Variants in RABL6 observed in about 807,000 individuals in gnomAD.
The protein encoded by RABL6 is RAB, member RAS oncogene family like 6, also known as rab-like protein 6.
RABL6 carries 28 observed loss-of-function variants against 72.9 expected under a neutral mutation model. The ratio of observed to expected loss-of-function variants is 0.38; its 90% CI spans 0.28 to 0.53. The LOEUF is 0.53. Among genes scored for constraint, RABL6 ranks in the 20% least tolerant of loss-of-function variants. The pLI is 0.80. For synonymous variants in RABL6, 477 were observed against 421.2 expected, an observed-to-expected ratio of 1.13 and a Z score of -1.62; for missense variants, 1,029 against 1,008.4, an observed-to-expected ratio of 1.02 and a Z score of -0.28.
Position 136,840,424 on chromosome 9 carries a change from AGCAG to A in RABL6, c.2094_2097del (p.Ser698ArgfsTer71). 1 of 1,549,736 alleles carries A rather than the reference AGCAG, an allele frequency of 6.5e-7. No individual in the cohort carries two copies. The highest frequency in any genetic ancestry group is 8.7e-7 in the Non-Finnish European group (1 of 1,146,808). On this transcript the variant is annotated frameshift_variant, in exon 15 of 15. Coordinates refer to ENST00000311502, the MANE Select transcript of RABL6 (RefSeq NM_024718.5). LOFTEE classifies it low-confidence loss of function (END_TRUNC). ...ACGGCGGCAGCAGCGGCCCCCGCGC[AGCAG>A]GGAGAGGACGGCTGCCGATGAGCTG... is the stretch of plus-strand genomic sequence containing the variant.
At position 136,835,732 on chromosome 9, in the gene RABL6, C is replaced by T. The variant is rs1451771153; in HGVS notation, c.706-10C>T. The T allele has an allele frequency of 3.1e-5, 48 of 1,548,100 alleles. No individual in the cohort carries two copies. The highest frequency in any genetic ancestry group is 4.2e-5 in the Non-Finnish European group (48 of 1,146,360). On this transcript the variant is annotated splice_polypyrimidine_tract_variant and intron_variant, in intron 7 of 14. Transcript: ENST00000311502. ...AGCCCTGCTCAGGCCTGCGTGCTCC[C>T]TTTCTGCAGAGGGAGACGCTGTTGC...
At chr9:136,822,346 T>C (rs548006043) in intron 1 of RABL6, among the ~76,000 whole-genome samples, 13 of 152,202 alleles carry the variant, frequency 8.5e-5, no homozygotes, top group Non-Finnish European at 1.9e-4. Flanking sequence ...CTTCCCTGGC[T>C]TCCCTGGCTC....
At chr9:136,834,121 C>T (rs1356493175) in intron 7 of RABL6, 1 of 1,312,704 alleles carries the variant, frequency 7.6e-7, no homozygotes, top group East Asian at 2.8e-5. Context: ...CAGCGGGACC[C>T]CTGTTTCCTC....
At chr9:136,835,220 A>G (rs1848563691) in intron 7 of RABL6, 1 of 152,272 alleles carries the variant, frequency 6.6e-6, no homozygotes, top group Non-Finnish European at 1.5e-5. Flanking sequence ...TTTGTATTTC[A>G]TTTGAATCTA....
intron 1 of RABL6, among the ~76,000 whole-genome samples, chr9:136,816,480 C>T (rs1338309963): frequency 5.3e-5 from 8 of 150,994 alleles, no homozygotes; most frequent in Admixed American, 1.3e-4. Flanking sequence ...TTTGGGAGGC[C>T]GAGGTTGGTG....
intron 1 of RABL6, chr9:136,809,230 A>G (rs1588342053): frequency 6.3e-6 from 1 of 157,708 alleles, no homozygotes; most frequent in South Asian, 1.7e-4. Context: ...TTTAAGAACT[A>G]ATGATCAGAA....
intron 1 of RABL6, chr9:136,813,023 T>G (rs909709791): frequency 4.6e-5 from 17 of 371,822 alleles, no homozygotes; most frequent in South Asian, 4.0e-4. Context: ...TCCTCCTCAC[T>G]GTTGCCATCT....
Position 136,823,628 on chromosome 9 carries a change from C to T in RABL6, c.234C>T (p.Ile78=), listed in dbSNP as rs773325201. The T allele has an allele frequency of 1.9e-6, 3 of 1,613,014 alleles. No homozygotes were observed. Among genetic ancestry groups the T allele is most frequent in the East Asian group, 4.5e-5 (2 of 44,856 alleles). ...FVEEYIPTQE[I]QVTSIHWSYK... ...AGGAGTACATCCCCACACAGGAGAT[C>T]CAGGTCACCAGCATCCACTGGAGCT... Residue 78 remains isoleucine (I), a synonymous_variant, in exon 2 of 15, where the codon ATC becomes ATT. Transcript: ENST00000311502.
chr9:136,839,951 G>T (rs948136461), intron 13 of RABL6, 86 bp downstream of exon 13: 136 of 1,529,516 alleles, frequency 8.9e-5, no homozygotes, highest in Non-Finnish European at 1.2e-4. Flanking sequence ...GCTGGCCGGG[G>T]TCCTCTCCTG....
At chr9:136,820,695 A>G (rs993060369) in intron 1 of RABL6, among the ~76,000 whole-genome samples, 1 of 152,214 alleles carries the variant, frequency 6.6e-6, no homozygotes, top group African/African-American at 2.4e-5. Flanking sequence ...AAAAGCAAAA[A>G]TAAAATCAAA....
chr9:136,834,147 G>T, intron 7 of RABL6: 2 of 1,287,482 alleles, frequency 1.6e-6, no homozygotes, highest in Non-Finnish European at 2.0e-6. Flanking sequence ...CTTGCCCCTG[G>T]ATTGCCTGGA....
intron 2 of RABL6, among the ~76,000 whole-genome samples, chr9:136,824,245 G>A (rs1277375595): frequency 6.6e-6 from 1 of 151,542 alleles, no homozygotes; most frequent in Non-Finnish European, 1.5e-5. Context: ...CAGCTGCCCT[G>A]TGTGTTCAGA....
intron 8 of RABL6, chr9:136,836,079 T>G (rs1304650954): frequency 2.2e-6 from 1 of 451,920 alleles, no homozygotes; most frequent in East Asian, 3.7e-5. Context: ...CCTGCCACTC[T>G]GAGTACCGCT....
chr9:136,829,650 A>G (rs1442117841), intron 5 of RABL6, among the ~76,000 whole-genome samples, 166 bp downstream of exon 5: 1 of 152,218 alleles, frequency 6.6e-6, no homozygotes, highest in African/African-American at 2.4e-5. Context: ...ACTGGCCTGG[A>G]TGTCGGGCTG....
In RABL6 at chr9:136,840,897, C is replaced by A. The variant is rs138772318; in HGVS notation, c.*375C>A. ...GGCTGTGGGGTGTGCGCTGCCCCGG[C>A]ACCTGCTTGCCCTCCGCGCTCATCT... On this transcript the variant is annotated 3_prime_UTR_variant, in exon 15 of 15. Coordinates refer to ENST00000311502, the MANE Select transcript of RABL6 (RefSeq NM_024718.5). 491 of 1,506,992 alleles carry A rather than the reference C, an allele frequency of 3.3e-4. 5 individuals are homozygous for A. In the East Asian group the frequency reaches 0.012, roughly 37 times the overall value. 93.4% of individuals were successfully genotyped at this position (1,506,992 alleles called of 1,614,324 possible).
chr9:136,839,930 AGCTGCTG>A, intron 13 of RABL6, 65 bp downstream of exon 13: 1 of 1,557,640 alleles, frequency 6.4e-7, no homozygotes, highest in Non-Finnish European at 8.7e-7. Flanking sequence ...GCCTCCTCCC[AGCTGCTG>A]GCCGCTGGCC....
chr9:136,815,536 G>C (rs1848102557), intron 1 of RABL6: 1 of 230,822 alleles, frequency 4.3e-6, no homozygotes, highest in South Asian at 5.5e-5. Flanking sequence ...ACACCAAGTA[G>C]TCTGAAGCTG....
chr9:136,840,399 ACGG>A lies in RABL6; in HGVS notation c.2072_2074del (p.Arg691del). 3 of 1,551,372 alleles carry A rather than the reference ACGG, an allele frequency of 1.9e-6. No homozygotes were observed. The highest frequency in any genetic ancestry group is 2.6e-6 in the Non-Finnish European group (3 of 1,147,556). On this transcript the variant is annotated inframe_deletion, in exon 15 of 15. Transcript: ENST00000311502. Reference sequence around the variant, plus strand: ...AGGAGGAGGGCAAGGAGGAGCGGCGACGGCGGCAGCAGCGGCCCCCGCGCAGCA... The same window carrying A: ...AGGAGGAGGGCAAGGAGGAGCGGCGACGGCAGCAGCGGCCCCCGCGCAGCA...
Position 136,840,677 on chromosome 9 carries a change from G to A in RABL6, c.*155G>A, listed in dbSNP as rs972107578. 3 of 1,549,166 alleles carry A rather than the reference G, an allele frequency of 1.9e-6. No homozygotes were observed. Among genetic ancestry groups the A allele is most frequent in the African/African-American group, 1.4e-5 (1 of 73,020 alleles). On this transcript the variant is annotated 3_prime_UTR_variant, in exon 15 of 15. Coordinates refer to ENST00000311502, the MANE Select transcript of RABL6 (RefSeq NM_024718.5). The stretch of plus-strand genomic sequence containing the variant: ...CCGGGCATTGGTGGTCCCCAGGCTG[G>A]GCCCTGCAGGTGCTGGGCCTTCAGG...
Sources: gnomAD v4.1 joint callset for allele counts (sites outside exome capture counted in the v4.1 genomes callset) on GRCh38, gnomAD v4.1.1 for gene constraint, MANE v1.5 for transcripts, NCBI Gene and HGNC (gene_info 2026-07-23, HGNC 2026-07-21) for gene names.